Variants in FKBP11 observed in about 807,000 individuals in gnomAD.
FKBP11 encodes the protein peptidyl-prolyl cis-trans isomerase FKBP11.
FKBP11 carries 21 observed loss-of-function variants against 24.7 expected under a neutral mutation model. The observed-to-expected ratio is 0.85, with a 90% CI of 0.60 to 1.23. The LOEUF is 1.23. Among genes scored for constraint, FKBP11 ranks in the 50% most tolerant of loss-of-function variants. The pLI is 0.00. For missense variants in FKBP11, 245 were observed against 248.7 expected (o/e 0.99, Z 0.10); for synonymous variants, 106 against 100.6 (o/e 1.05, Z -0.32).
intron 5 of FKBP11, chr12:48,922,717 G>T: frequency 1.0e-6 from 1 of 994,264 alleles, no homozygotes; most frequent in South Asian, 4.4e-5. Context: ...GGGGCAGGTG[G>T]AACAGAAATG....
At chr12:48,925,175 G>A (rs1317793008) in intron 1 of FKBP11, 64 bp from the exon 2 acceptor site, 2 of 1,596,118 alleles carry the variant, frequency 1.3e-6, no homozygotes, top group East Asian at 4.5e-5. Flanking sequence ...CCCTAGACCC[G>A]GCACCACCCC....
chr12:48,926,294 T>C (rs1478965702), upstream of FKBP11: 2 of 132,182 alleles, frequency 1.5e-5, no homozygotes, highest in East Asian at 5.3e-4. Context: ...AGTGGTGCCA[T>C]CTCCACTCAC....
At chr12:48,928,043 C>CTTTTTT (rs34076093), upstream of FKBP11, among the ~76,000 whole-genome samples, 42 of 88,462 alleles carry the variant, frequency 4.7e-4, no homozygotes, top group African/African-American at 1.5e-3. Context: ...TGCCAGATAC[C>CTTTTTT]TTTTTTTTTT....
the FKBP11 span, among the ~76,000 whole-genome samples, chr12:48,932,442 C>G: frequency 6.7e-6 from 1 of 149,244 alleles, no homozygotes; most frequent in African/African-American, 2.5e-5. Context: ...GTATACATAC[C>G]CCCAGCTGAC....
chr12:48,922,362 G>C, intron 5 of FKBP11, 161 bp from the exon 6 acceptor site: 1 of 730,010 alleles, frequency 1.4e-6, no homozygotes, highest in Non-Finnish European at 2.1e-6. Context: ...GAGTAGAGGA[G>C]GATTTACGAG....
chr12:48,927,810 A>G (rs755619588), upstream of FKBP11, among the ~76,000 whole-genome samples: 2 of 152,146 alleles, frequency 1.3e-5, no homozygotes, highest in Non-Finnish European at 2.9e-5. Context: ...GCACGCTAGG[A>G]TGGTGAAGCA....
At chr12:48,932,248 TA>T in the FKBP11 span, among the ~76,000 whole-genome samples, 2 of 36,610 alleles carry the variant, frequency 5.5e-5, no homozygotes, top group African/African-American at 2.2e-4. Flanking sequence ...TATATATATA[TA>T]TATATATATA....
At chr12:48,934,610 G>C in the FKBP11 span, among the ~76,000 whole-genome samples, 9 of 152,180 alleles carry the variant, frequency 5.9e-5, no homozygotes, top group African/African-American at 1.9e-4. Context: ...TCTTCCCCAA[G>C]TTGTTCAGGG....
chr12:48,927,050 C>T (rs1437556729), upstream of FKBP11, among the ~76,000 whole-genome samples: 3 of 152,164 alleles, frequency 2.0e-5, no homozygotes, highest in Non-Finnish European at 2.9e-5. Flanking sequence ...CCTCGTGATC[C>T]GCCAGCCTCA....
At position 48,924,260 on chromosome 12, in the gene FKBP11, G is replaced by C. The variant is rs774684752; in HGVS notation, c.284-4C>G. On this transcript the variant is annotated splice_region_variant and splice_polypyrimidine_tract_variant and intron_variant, in intron 3 of 5. Coordinates refer to ENST00000550765, the MANE Select transcript of FKBP11 (RefSeq NM_016594.3). ...TCGAGAAGACTCTGCTCCAGACCTT[G>C]AAGAAGAAGACACAACTGAACTGGA... 6.2e-7 allele frequency: 1 copy of C among 1,614,020 alleles called. No individual in the cohort carries two copies.
intron 4 of FKBP11, 38 bp downstream of exon 4, chr12:48,924,185 A>G: frequency 6.2e-7 from 1 of 1,611,818 alleles, no homozygotes; most frequent in Non-Finnish European, 8.5e-7. Flanking sequence ...TACCCATGCA[A>G]AGGGGGTACC....
chr12:48,925,262 C>A (rs1939936843), intron 1 of FKBP11, 38 bp downstream of exon 1: 1 of 1,605,076 alleles, frequency 6.2e-7, no homozygotes, highest in South Asian at 1.1e-5. Context: ...CAACAAGGCT[C>A]GGCCCACGGG....
chr12:48,923,512 G>A (rs1231080602), intron 5 of FKBP11: 2 of 1,550,786 alleles, frequency 1.3e-6, no homozygotes, highest in Non-Finnish European at 1.7e-6. Flanking sequence ...GGCACAGGCA[G>A]CAGACCCATG....
chr12:48,933,624 C>T, the FKBP11 span, among the ~76,000 whole-genome samples: 2 of 151,280 alleles, frequency 1.3e-5, no homozygotes, highest in African/African-American at 4.9e-5. Context: ...TTGCTTGAAC[C>T]TGAGAGGCAG....
the FKBP11 span, chr12:48,938,822 G>T: frequency 7.9e-7 from 1 of 1,262,788 alleles, no homozygotes. Flanking sequence ...GCTCTTGCTG[G>T]GCATGTGGAC....
the FKBP11 span, among the ~76,000 whole-genome samples, chr12:48,932,249 ATATATATATATATTTTTTTTTTTTTT>A: frequency 2.8e-3 from 103 of 36,900 alleles, 3 homozygotes; most frequent in East Asian, 0.043. Flanking sequence ...ATATATATAT[ATATATATATATATTTTTTTTTTTTTT>A]TTTTTTTTTT....
At chr12:48,931,128 TAAAA>T (rs35482677), upstream of FKBP11, among the ~76,000 whole-genome samples, 6 of 36,210 alleles carry the variant, frequency 1.7e-4, no homozygotes, top group Admixed American at 1.5e-3. Flanking sequence ...GACTCCAGCT[TAAAA>T]AAAAAAAAAA....
At position 48,924,243 on chromosome 12, in the gene FKBP11, ACT is replaced by A. The variant is rs780992567; in HGVS notation, c.295_296del (p.Leu100SerfsTer37). 52 of 1,613,972 alleles carry A rather than the reference ACT, an allele frequency of 3.2e-5. No individual in the cohort carries two copies. The highest frequency in any genetic ancestry group is 4.2e-5 in the Non-Finnish European group (50 of 1,180,014). On this transcript the variant is annotated frameshift_variant, in exon 4 of 6. Transcript: ENST00000550765. LOFTEE classifies it high-confidence loss of function. ...QKQVIPGLEQ[S>X]LLDMCVGEKR... ...CTCACCCCACACACATGTCGAGAAG[ACT>A]CTGCTCCAGACCTTGAAGAAGAAGA...
In FKBP11 at chr12:48,922,075, A is replaced by T; in HGVS notation, c.515T>A (p.Ile172Asn). The T allele has an allele frequency of 2.5e-6, 4 of 1,614,186 alleles. No individual in the cohort carries two copies. Among genetic ancestry groups the T allele is most frequent in the Non-Finnish European group, 3.4e-6 (4 of 1,180,042 alleles). ...MAMVPALLGL[I>N]GYHLYRKANR... The stretch of plus-strand genomic sequence containing the variant: ...GGCCTTTCTGTATAGGTGATACCCA[A>T]TGAGGCCCAGGAGGGCTGGCACCAT... Residue 172 changes from isoleucine (I) to asparagine (N), a missense_variant, in exon 6 of 6, where the codon ATT becomes AAT. Coordinates refer to ENST00000550765, the MANE Select transcript of FKBP11 (RefSeq NM_016594.3).
Sources: gnomAD v4.1 joint callset for allele counts (sites outside exome capture counted in the v4.1 genomes callset) on GRCh38, gnomAD v4.1.1 for gene constraint, MANE v1.5 for transcripts, NCBI Gene and HGNC (gene_info 2026-07-23, HGNC 2026-07-21) for gene names.